Variants in MAML3 observed in about 807,000 individuals in gnomAD.
MAML3 encodes mastermind-like protein 3.
A neutral mutation model predicts 101.9 loss-of-function variants in MAML3; 27 were observed. The observed-to-expected ratio is 0.27, with a 90% confidence interval of 0.20 to 0.37. The LOEUF is 0.37. Among genes scored for constraint, MAML3 ranks in the 10% least tolerant of loss-of-function variants. The pLI is 1.00. For missense variants in MAML3, 1,316 were observed against 1,444.9 expected, an observed-to-expected ratio of 0.91 and a Z score of 1.45; for synonymous variants, 501 against 555.9, an observed-to-expected ratio of 0.90 and a Z score of 1.39.
chr4:139,860,811 T>G (rs1359048521), intron 2 of MAML3, among the ~76,000 whole-genome samples: 1 of 152,180 alleles, frequency 6.6e-6, no homozygotes, highest in African/African-American at 2.4e-5. Flanking sequence ...CTGTTTGTGG[T>G]GGACGGATAC....
chr4:139,761,861 G>A (rs550049021), intron 2 of MAML3, among the ~76,000 whole-genome samples: 57 of 151,986 alleles, frequency 3.8e-4, no homozygotes, highest in Non-Finnish European at 6.5e-4. Context: ...GATCCTGGAA[G>A]CTGTGTGGGA....
chr4:139,935,136 G>T (rs553356162), intron 1 of MAML3, among the ~76,000 whole-genome samples: 2 of 150,560 alleles, frequency 1.3e-5, no homozygotes, highest in Non-Finnish European at 2.9e-5. Flanking sequence ...CCTCAGCAAG[G>T]CACAGAACAC....
At chr4:139,859,966 G>A (rs900058818) in intron 2 of MAML3, among the ~76,000 whole-genome samples, 3 of 152,234 alleles carry the variant, frequency 2.0e-5, no homozygotes, top group Non-Finnish European at 2.9e-5. Flanking sequence ...CGGAGTGACC[G>A]GACGAAGGCG....
At chr4:139,956,212 G>A (rs1007380213) in intron 1 of MAML3, among the ~76,000 whole-genome samples, 1 of 152,168 alleles carries the variant, frequency 6.6e-6, no homozygotes, top group African/African-American at 2.4e-5. Flanking sequence ...ACGGATATGA[G>A]AGGATCAAAT....
In MAML3 at chr4:140,154,059, G is replaced by C. The variant is rs1464741574; in HGVS notation, c.-732C>G. 6.1e-6 allele frequency: 1 copy of C among 165,166 alleles called. No homozygotes were observed. Among genetic ancestry groups the C allele is most frequent in the Admixed American group, 6.5e-5 (1 of 15,498 alleles). 10.2% of individuals were successfully genotyped at this position (165,166 alleles called of 1,614,324 possible). On this transcript the variant is annotated 5_prime_UTR_variant, in exon 1 of 5. Transcript: ENST00000509479. Reference sequence around the variant, plus strand: ...AGAGCAGCACCTAACGCTCGGCTGGGCTGCCGCTGCCGCCGCTGCTCCTGC... The same window carrying C: ...AGAGCAGCACCTAACGCTCGGCTGGCCTGCCGCTGCCGCCGCTGCTCCTGC...
intron 2 of MAML3, among the ~76,000 whole-genome samples, chr4:139,771,971 G>T (rs1221109313): frequency 2.0e-5 from 3 of 151,256 alleles, no homozygotes; most frequent in Admixed American, 1.3e-4. Flanking sequence ...CGGGCGCGGT[G>T]GCTCACGCCT....
intron 2 of MAML3, among the ~76,000 whole-genome samples, chr4:139,828,029 G>A (rs1337484251): frequency 6.6e-6 from 1 of 152,218 alleles, no homozygotes; most frequent in East Asian, 1.9e-4. Flanking sequence ...TTACGGTGCT[G>A]CCAAGATGTT....
chr4:139,948,157 C>T (rs906104140), intron 1 of MAML3, among the ~76,000 whole-genome samples: 2 of 148,200 alleles, frequency 1.3e-5, no homozygotes, highest in African/African-American at 5.2e-5. Context: ...TACCACTCTA[C>T]ACTAAAAAGT....
chr4:140,026,851 T>C (rs1387336356), intron 1 of MAML3, among the ~76,000 whole-genome samples: 15 of 152,128 alleles, frequency 9.9e-5, no homozygotes, highest in Non-Finnish European at 2.2e-4. Context: ...GTACAGACAG[T>C]AAAGTTTTGT....
chr4:139,941,624 A>G (rs973670964), intron 1 of MAML3, among the ~76,000 whole-genome samples: 2 of 152,114 alleles, frequency 1.3e-5, no homozygotes, highest in African/African-American at 4.8e-5. Context: ...TAAGAATGAT[A>G]GTAATGACTA....
rs185343768 is a variant in MAML3 at position 140,085,667 on chromosome 4, A to C, written c.468+67193T>G. 2.2e-3 allele frequency among the ~76,000 whole-genome samples: 333 copies of C among 152,306 alleles called. 3 individuals carry two copies. The highest frequency in any genetic ancestry group is 3.5e-3 in the Non-Finnish European group (239 of 68,014). On this transcript the variant is annotated intron_variant, in intron 1 of 4. Coordinates refer to ENST00000509479, the MANE Select transcript of MAML3 (RefSeq NM_018717.5). ...CATGGGCATGAAAAGAATTCTGAAAATACTTCCGATTGCTTTTCTTGTCTC... is the reference window on the plus strand; with the variant it reads ...CATGGGCATGAAAAGAATTCTGAAACTACTTCCGATTGCTTTTCTTGTCTC...
rs1251496358 is a variant in MAML3, at chr4:139,717,165, A to T, written c.*2158T>A. On this transcript the variant is annotated 3_prime_UTR_variant, in exon 5 of 5. Coordinates refer to ENST00000509479, the MANE Select transcript of MAML3 (RefSeq NM_018717.5). ...ATACATCAGCACCGTAGTAAAAACA[A>T]AACCAAAACAAAACCACCATATTAA... is the stretch of plus-strand genomic sequence containing the variant. The T allele has an allele frequency of 6.6e-6, 1 of 152,572 alleles. No homozygotes were observed. Among genetic ancestry groups the T allele is most frequent in the Non-Finnish European group, 1.5e-5 (1 of 68,036 alleles). The allele number at this position is 152,572 out of a possible 1,614,324, so 9.5% of individuals were successfully genotyped here. A position where few individuals can be genotyped will look rare whatever the true frequency, so the allele number is the denominator to read the frequency against.
At chr4:139,863,140 ACT>A (rs1731817198) in intron 2 of MAML3, among the ~76,000 whole-genome samples, 1 of 90,734 alleles carries the variant, frequency 1.1e-5, no homozygotes, top group African/African-American at 5.5e-5. Context: ...ACAGAGTGAG[ACT>A]CTGTCTCCAA....
At chr4:140,112,925 C>T (rs1728459932) in intron 1 of MAML3, among the ~76,000 whole-genome samples, 1 of 152,180 alleles carries the variant, frequency 6.6e-6, no homozygotes, top group Non-Finnish European at 1.5e-5. Flanking sequence ...ATGCAATGCT[C>T]AGAAGCAAGG....
chr4:139,846,488 T>C (rs1560812397), intron 2 of MAML3, among the ~76,000 whole-genome samples: 1 of 152,062 alleles, frequency 6.6e-6, no homozygotes, highest in Admixed American at 6.6e-5. Flanking sequence ...GCTGGGACTA[T>C]AGGCGTGCAC....
intron 1 of MAML3, among the ~76,000 whole-genome samples, chr4:140,106,115 GAAAA>G (rs59770042): frequency 1.1e-5 from 1 of 90,100 alleles, no homozygotes; most frequent in Non-Finnish European, 2.1e-5. Flanking sequence ...CTGACTTCAA[GAAAA>G]AAAAAAAAAA....
intron 1 of MAML3, among the ~76,000 whole-genome samples, chr4:140,141,795 T>C (rs1299981996): frequency 6.6e-6 from 1 of 152,224 alleles, no homozygotes; most frequent in African/African-American, 2.4e-5. Flanking sequence ...TTAAGCCATA[T>C]TGTTAAGGAG....
chr4:139,902,071 C>T (rs1205721152), intron 1 of MAML3, among the ~76,000 whole-genome samples: 1 of 152,120 alleles, frequency 6.6e-6, no homozygotes, highest in Non-Finnish European at 1.5e-5. Flanking sequence ...ATCTCTTACT[C>T]GATAAAAAGC....
At chr4:139,859,874 C>T (rs548714436) in intron 2 of MAML3, among the ~76,000 whole-genome samples, 184 of 152,246 alleles carry the variant, frequency 1.2e-3, no homozygotes, top group African/African-American at 4.2e-3. Flanking sequence ...AGGTTTTAAA[C>T]GTGTAAAGAT....
Sources: gnomAD v4.1 joint callset for allele counts (sites outside exome capture counted in the v4.1 genomes callset) on GRCh38, gnomAD v4.1.1 for gene constraint, MANE v1.5 for transcripts, NCBI Gene and HGNC (gene_info 2026-07-23, HGNC 2026-07-21) for gene names.